PTPN23: variants seen among roughly 807,000 people sequenced by gnomAD.
PTPN23 encodes protein tyrosine phosphatase non-receptor type 23.
A neutral mutation model predicts 156.3 loss-of-function variants in PTPN23; 72 were observed. The ratio of observed to expected loss-of-function variants is 0.46; its 90% confidence interval spans 0.38 to 0.56. The LOEUF is 0.56. PTPN23 is among the 20% of genes least tolerant of loss of function. The pLI, the probability that PTPN23 is intolerant of heterozygous loss-of-function variation, is 0.00. For synonymous variants in PTPN23, 957 were observed against 899.6 expected (o/e 1.06, Z -1.14); for missense variants, 1,974 against 2,171.5 (o/e 0.91, Z 1.81).
chr3:47,407,651 C>G lies in PTPN23; in HGVS notation c.1004-46C>G, dbSNP rs377708499. ...GGGGACAGGACACAGGAGGCTGCCT[C>G]AAGGACTCTGCGTGGGCCTGATCTC... is the stretch of plus-strand genomic sequence containing the variant. On this transcript the variant is annotated intron_variant, in intron 12 of 24. Transcript: ENST00000265562. The surrounding 1 kb of genome is among the most constrained non-coding windows in gnomAD (Gnocchi z 4.0). The G allele has an allele frequency of 1.1e-5, 18 of 1,607,796 alleles. No individual in the cohort carries two copies. The highest frequency in any genetic ancestry group is 1.4e-5 in the Non-Finnish European group (17 of 1,174,624).
chr3:47,401,900 T>TC (rs1705001944), intron 2 of PTPN23, among the ~76,000 whole-genome samples: 1 of 152,182 alleles, frequency 6.6e-6, no homozygotes, highest in Non-Finnish European at 1.5e-5. Flanking sequence ...GCCTGACTTT[T>TC]CTGTTCCACT....
In PTPN23 at chr3:47,405,054, G is replaced by A. The variant is rs1205602528; in HGVS notation, c.337G>A (p.Glu113Lys). The A allele has an allele frequency of 1.9e-6, 3 of 1,614,064 alleles. No individual in the cohort carries two copies. The highest frequency in any genetic ancestry group is 2.5e-6 in the Non-Finnish European group (3 of 1,180,038). Residue 113 changes from glutamate to lysine, a missense_variant, in exon 4 of 25, where the codon GAG (glutamate) becomes AAG (lysine). Glu to Lys is a moderately conservative substitution (Grantham distance 56). Coordinates refer to ENST00000265562, the MANE Select transcript of PTPN23 (RefSeq NM_015466.4). The surrounding 1 kb of genome is among the most constrained non-coding windows in gnomAD (Gnocchi z 4.7). ...TGTGGCCCATGAGGACATCAAGTACGAGCAGGCCTGTATTCTCTACAACCT... is the reference window on the plus strand; with the variant it reads ...TGTGGCCCATGAGGACATCAAGTACAAGCAGGCCTGTATTCTCTACAACCT... The part of the protein sequence containing the change: ...KSVAHEDIKY[E>K]QACILYNLGA...
At chr3:47,394,275 G>C (rs949128393) in intron 1 of PTPN23, among the ~76,000 whole-genome samples, 1 of 152,114 alleles carries the variant, frequency 6.6e-6, no homozygotes, top group East Asian at 1.9e-4. Flanking sequence ...GTTTGAGGCT[G>C]GGGTCACTGG....
intron 2 of PTPN23, among the ~76,000 whole-genome samples, chr3:47,402,968 A>G (rs766600268): frequency 4.6e-5 from 7 of 151,936 alleles, no homozygotes; most frequent in Non-Finnish European, 7.4e-5. Context: ...GGCCTCCCAA[A>G]GTGCTAGGAT....
At position 47,413,062 on chromosome 3, in the gene PTPN23, C is replaced by G; in HGVS notation, c.4788C>G (p.Gly1596=). The G allele has an allele frequency of 1.2e-6, 2 of 1,612,974 alleles. No individual in the cohort carries two copies. The highest frequency in any genetic ancestry group is 1.7e-6 in the Non-Finnish European group (2 of 1,180,032). The change falls in exon 25 of 25, where the codon GGC becomes GGG. Residue 1596 remains glycine, a synonymous_variant. Transcript: ENST00000265562. ...EAFSLDSSLR[G]KQRMSKHNFL... is the part of the protein sequence containing the mutation. ...TCTCCCTGGACAGCTCCCTGCGGGG[C>G]AAACAGCGGATGAGCAAGCATAACT...
chr3:47,383,764 G>C (rs1704597563), intron 1 of PTPN23, among the ~76,000 whole-genome samples: 1 of 152,204 alleles, frequency 6.6e-6, no homozygotes, highest in African/African-American at 2.4e-5. Context: ...CCATGCACCT[G>C]GGCCTCCAGG....
At position 47,405,480 on chromosome 3, in the gene PTPN23, A is replaced by C. The variant is rs529045267; in HGVS notation, c.365-269A>C. On this transcript the variant is annotated intron_variant, in intron 4 of 24. Transcript: ENST00000265562. The surrounding 1 kb of genome is among the most constrained non-coding windows in gnomAD (Gnocchi z 4.7). ...AAGGGAGAAGCTTGGGGAGCCCCAG[A>C]GTTCTGTGCAAACATCCCTGAAGCT... The C allele has an allele frequency of 2.6e-4, 143 of 553,682 alleles. 2 individuals carry two copies. The highest frequency in any genetic ancestry group is 1.8e-3 in the South Asian group (85 of 46,822). The allele number at this position is 553,682 out of a possible 1,614,324, so 34.3% of individuals were successfully genotyped here. A position where few individuals can be genotyped will look rare whatever the true frequency, so the allele number is the denominator to read the frequency against.
At position 47,412,505 on chromosome 3, in the gene PTPN23, C is replaced by T. The variant is rs779286343; in HGVS notation, c.4318-9C>T. The stretch of plus-strand genomic sequence containing the variant: ...TGCCCAGCTGACCTGGCCAAATGCA[C>T]CTGTGCAGCTGCACCTCAGGTTCTG... On this transcript the variant is annotated splice_polypyrimidine_tract_variant and intron_variant, in intron 23 of 24. Coordinates refer to ENST00000265562, the MANE Select transcript of PTPN23 (RefSeq NM_015466.4). The T allele has an allele frequency of 1.2e-6, 2 of 1,612,628 alleles. No individual in the cohort carries two copies. The highest frequency in any genetic ancestry group is 1.7e-6 in the Non-Finnish European group (2 of 1,179,624).
chr3:47,407,534 T>G lies in PTPN23; in HGVS notation c.953T>G (p.Phe318Cys), dbSNP rs1705157690. ...AATTCTGCCAAGAAGGACAACGACT[T>G]CATTTACCATGAGGCTGTCCCAGCA... The part of the protein sequence containing the change: ...KYNSAKKDND[F>C]IYHEAVPALD... The change falls in exon 12 of 25, where the codon TTC becomes TGC. Residue 318 changes from phenylalanine to cysteine, a missense_variant. Transcript: ENST00000265562. The surrounding 1 kb of genome is among the most constrained non-coding windows in gnomAD (Gnocchi z 4.0). 6.2e-7 allele frequency: 1 copy of G among 1,613,904 alleles called. No homozygotes were observed. Among genetic ancestry groups the G allele is most frequent in the African/African-American group, 1.3e-5 (1 of 74,882 alleles).
Position 47,410,887 on chromosome 3 carries a change from A to C in PTPN23, c.3089A>C (p.His1030Pro), listed in dbSNP as rs766163880. 1 of 1,573,054 alleles carries C rather than the reference A, an allele frequency of 6.4e-7. No individual in the cohort carries two copies. Among genetic ancestry groups the C allele is most frequent in the African/African-American group, 1.5e-5 (1 of 64,994 alleles). ...CCCGCTCAAGACCCTCTGCCAGCCC[A>C]CTCAGGGGCTCTGCCTTTCCCCAGC... ...PGPAQDPLPA[H>P]SGALPFPSPG... Residue 1030 changes from histidine (H) to proline (P), a missense_variant, in exon 20 of 25, where the codon CAC becomes CCC. Coordinates refer to ENST00000265562, the MANE Select transcript of PTPN23 (RefSeq NM_015466.4).
rs186538622 is a variant in PTPN23 at position 47,408,604 on chromosome 3, T to C, written c.1330+114T>C. ...GGCTGCACCCCTCTAGGCCCTGGCT[T>C]GGGCATCCACACCCACTCCTCTGAA... On this transcript the variant is annotated intron_variant, in intron 15 of 24. Coordinates refer to ENST00000265562, the MANE Select transcript of PTPN23 (RefSeq NM_015466.4). 822 of 1,470,780 alleles carry C rather than the reference T, an allele frequency of 5.6e-4. 6 individuals carry two copies. In the African/African-American group the frequency reaches 0.01, roughly 18 times the overall value. 91.1% of individuals were successfully genotyped at this position (1,470,780 alleles called of 1,614,324 possible). A position where few individuals can be genotyped will look rare whatever the true frequency, so the allele number is the denominator to read the frequency against.
chr3:47,410,889 T>C lies in PTPN23; in HGVS notation c.3091T>C (p.Ser1031Pro). Residue 1031 changes from serine to proline, a missense_variant, in exon 20 of 25, where the codon TCA becomes CCA. Physicochemically the swap from Ser to Pro is moderately conservative, Grantham distance 74 (BLOSUM62 -1). Transcript: ENST00000265562. ...CGCTCAAGACCCTCTGCCAGCCCAC[T>C]CAGGGGCTCTGCCTTTCCCCAGCCC... ...GPAQDPLPAHSGALPFPSPGP... is the reference protein window; with the variant it reads ...GPAQDPLPAHPGALPFPSPGP... The C allele has an allele frequency of 6.3e-7, 1 of 1,589,394 alleles. No homozygotes were observed. Among genetic ancestry groups the C allele is most frequent in the Non-Finnish European group, 8.5e-7 (1 of 1,172,656 alleles).
At position 47,411,195 on chromosome 3, in the gene PTPN23, T is replaced by G. The variant is rs745425803; in HGVS notation, c.3397T>G (p.Ser1133Ala). 1.2e-6 allele frequency: 2 copies of G among 1,603,984 alleles called. No individual in the cohort carries two copies. Among genetic ancestry groups the G allele is most frequent in the Non-Finnish European group, 1.7e-6 (2 of 1,177,774 alleles). The change falls in exon 20 of 25, where the codon TCT becomes GCT. Residue 1133 changes from serine (S) to alanine (A), a missense_variant. Physicochemically the swap from Ser to Ala is moderately conservative, Grantham distance 99. Coordinates refer to ENST00000265562, the MANE Select transcript of PTPN23 (RefSeq NM_015466.4). The surrounding 1 kb of genome is among the most constrained non-coding windows in gnomAD (Gnocchi z 6.3). ...SPESQHGGTQ[S>A]PGGGQPLLQP... is the part of the protein sequence containing the mutation. Reference sequence around the variant, plus strand: ...GGAGAGCCAGCATGGCGGCACTCAGTCTCCTGGGGGTGGGCAGCCCCTGCT... The same window carrying G: ...GGAGAGCCAGCATGGCGGCACTCAGGCTCCTGGGGGTGGGCAGCCCCTGCT...
chr3:47,409,173 C>T lies in PTPN23; in HGVS notation c.1653C>T (p.Ala551=), dbSNP rs141629698. 1.4e-4 allele frequency: 220 copies of T among 1,613,846 alleles called. 2 individuals are homozygous for T. The Admixed American group carries it at 3.0e-3, about 22-fold the overall frequency. The change falls in exon 17 of 25, where the codon GCC becomes GCT. Residue 551 remains alanine (A), a synonymous_variant. Coordinates refer to ENST00000265562, the MANE Select transcript of PTPN23 (RefSeq NM_015466.4). ...CACTGCTGCCCACAGAGGACAAGGC[C>T]GTGCTGCAAAACCTAAAGCGCATCC... ...PTPALSPEDK[A]VLQNLKRILA...
In PTPN23 at chr3:47,409,646, G is replaced by A. The variant is rs1370809157; in HGVS notation, c.1950-9G>A. On this transcript the variant is annotated splice_polypyrimidine_tract_variant and intron_variant, in intron 18 of 24. Coordinates refer to ENST00000265562, the MANE Select transcript of PTPN23 (RefSeq NM_015466.4). ...TGGTTCACCTGGAGCTGGCCCTTCT[G>A]CCCACCAGGTGGAACTCCACGCTGC... 5.6e-6 allele frequency: 9 copies of A among 1,612,592 alleles called. No homozygotes were observed. The highest frequency in any genetic ancestry group is 7.6e-6 in the Non-Finnish European group (9 of 1,179,612).
intron 1 of PTPN23, among the ~76,000 whole-genome samples, chr3:47,388,034 A>G (rs1399158186): frequency 6.6e-6 from 1 of 152,182 alleles, no homozygotes; most frequent in Non-Finnish European, 1.5e-5. Context: ...TAGCATAGCT[A>G]TTGGAATCAG....
chr3:47,391,737 AT>A lies in PTPN23; in HGVS notation c.85-4405del, dbSNP rs1284879426. Among the ~76,000 whole-genome samples, 10 of 152,240 alleles carry A rather than the reference AT, an allele frequency of 6.6e-5. No homozygotes were observed. The East Asian group carries it at 1.9e-3, about 29-fold the overall frequency. ...TGTCCATCTGATTCCTTTGGCCTCTATCCCACGAGACCTCTGAGCTACACTT... is the reference window on the plus strand; with the variant it reads ...TGTCCATCTGATTCCTTTGGCCTCTACCCACGAGACCTCTGAGCTACACTT... On this transcript the variant is annotated intron_variant, in intron 1 of 24. Coordinates refer to ENST00000265562, the MANE Select transcript of PTPN23 (RefSeq NM_015466.4).
chr3:47,385,322 C>T (rs1207785195), intron 1 of PTPN23, among the ~76,000 whole-genome samples: 1 of 152,162 alleles, frequency 6.6e-6, no homozygotes, highest in Non-Finnish European at 1.5e-5. Flanking sequence ...CTGATTCATT[C>T]ATTGAACAAA....
At chr3:47,396,000 G>A (rs1020682417) in intron 1 of PTPN23, 143 bp from the exon 2 acceptor site, 1 of 559,664 alleles carries the variant, frequency 1.8e-6, no homozygotes, top group Non-Finnish European at 3.2e-6. Flanking sequence ...TGTTCAGGAG[G>A]CGAAGTTCCT....
Sources: allele counts gnomAD v4.1 joint callset (sites outside exome capture counted in the v4.1 genomes callset), GRCh38; gene constraint gnomAD v4.1.1; non-coding constraint Gnocchi (gnomAD v3.1); transcripts MANE v1.5; gene names NCBI Gene and HGNC (gene_info 2026-07-23, HGNC 2026-07-21).